Variants in EFCAB6 observed in about 807,000 individuals in gnomAD.
The protein encoded by EFCAB6 is EF-hand calcium-binding domain-containing protein 6.
Under a neutral mutation model 169.8 loss-of-function variants are expected in EFCAB6, and 156 were observed. That is an observed-to-expected ratio of 0.92 (90% CI 0.81 to 1.05). EFCAB6 has a LOEUF of 1.05. Among genes scored for constraint, EFCAB6 ranks in the 50% least tolerant of loss-of-function variants. EFCAB6 has a pLI of 0.00. For missense variants in EFCAB6, 1,800 were observed against 1,829.1 expected, an observed-to-expected ratio of 0.98 and a Z score of 0.29; for synonymous variants, 698 against 676.4, an observed-to-expected ratio of 1.03 and a Z score of -0.50.
At chr22:43,577,180 T>A (rs1043979342) in intron 25 of EFCAB6, among the ~76,000 whole-genome samples, 1 of 152,162 alleles carries the variant, frequency 6.6e-6, no homozygotes, top group African/African-American at 2.4e-5. Context: ...ACTGAAAAAG[T>A]GCAAAAATGT....
intron 23 of EFCAB6, among the ~76,000 whole-genome samples, chr22:43,596,645 G>T (rs1261343570): frequency 6.6e-6 from 1 of 152,058 alleles, no homozygotes; most frequent in Non-Finnish European, 1.5e-5. Context: ...TGGATTGAAA[G>T]AATTAATATT....
chr22:43,604,929 G>T (rs1453655904), intron 22 of EFCAB6, among the ~76,000 whole-genome samples: 1 of 152,178 alleles, frequency 6.6e-6, no homozygotes, highest in East Asian at 1.9e-4. Context: ...TCCTACTCGG[G>T]TCGGCCCTTT....
intron 26 of EFCAB6, among the ~76,000 whole-genome samples, chr22:43,561,111 C>A (rs1192901890): frequency 6.6e-6 from 1 of 152,220 alleles, no homozygotes; most frequent in Non-Finnish European, 1.5e-5. Context: ...GTAATCTCAG[C>A]ACTTTGGGAG....
chr22:43,575,655 TG>T (rs759182805), intron 26 of EFCAB6, among the ~76,000 whole-genome samples: 3 of 152,184 alleles, frequency 2.0e-5, no homozygotes, highest in Non-Finnish European at 4.4e-5. Flanking sequence ...TAGTGTATTT[TG>T]TTTAGAAACA....
At chr22:43,669,284 T>C (rs1446107893) in intron 15 of EFCAB6, among the ~76,000 whole-genome samples, 3 of 152,228 alleles carry the variant, frequency 2.0e-5, no homozygotes, top group South Asian at 2.1e-4. Flanking sequence ...TACAGCTTTA[T>C]TGGTAATAGC....
In EFCAB6 at chr22:43,559,884, G is replaced by A. The variant is rs561948806; in HGVS notation, c.3421-4788C>T. Among the ~76,000 whole-genome samples the A allele has an allele frequency of 3.3e-5, 5 of 152,184 alleles. No homozygotes were observed. The East Asian group carries it at 9.7e-4, about 29-fold the overall frequency. On this transcript the variant is annotated intron_variant, in intron 26 of 31. Coordinates refer to ENST00000262726, the MANE Select transcript of EFCAB6 (RefSeq NM_022785.4). Reference sequence around the variant, plus strand: ...TTGTTGGGTGGGGGGCAAGGGGAGGGAAAGCATTAGGACAAATACCTAATG... The same window carrying A: ...TTGTTGGGTGGGGGGCAAGGGGAGGAAAAGCATTAGGACAAATACCTAATG...
rs756722468 is a variant in EFCAB6 at position 43,537,346 on chromosome 22, A to G, written c.4048+31T>C. On this transcript the variant is annotated intron_variant, in intron 29 of 31. Transcript: ENST00000262726. The surrounding 1 kb of genome is among the most constrained non-coding windows in gnomAD (Gnocchi z 4.3). ...GCCTCTTGCCACAGGGGCTGACCAC[A>G]TATTACCAAGCAGATAGAATCTGAA... The G allele has an allele frequency of 2.4e-5, 38 of 1,610,732 alleles. No homozygotes were observed. The highest frequency in any genetic ancestry group is 3.1e-5 in the Non-Finnish European group (37 of 1,177,740).
In EFCAB6 at chr22:43,538,852, A is replaced by AGTT. The variant is rs1198846746; in HGVS notation, c.3879+1274_3879+1275insAAC. On this transcript the variant is annotated intron_variant, in intron 28 of 31. Transcript: ENST00000262726. ...ATTTCCGTGAATTTAGTGGCTTAAA[A>AGTT]CAACACCAACTTATTATCTTACAGT... Among the ~76,000 whole-genome samples, 86 of 152,328 alleles carry AGTT rather than the reference A, an allele frequency of 5.6e-4. No individual in the cohort carries two copies. The East Asian group carries it at 0.014, about 25-fold the overall frequency.
chr22:43,739,799 C>T (rs576206598), intron 6 of EFCAB6, among the ~76,000 whole-genome samples: 27 of 152,192 alleles, frequency 1.8e-4, no homozygotes, highest in Admixed American at 1.4e-3. Flanking sequence ...CGCTTCTCCC[C>T]GCACTCCGGG....
Position 43,566,101 on chromosome 22 carries a change from G to A in EFCAB6, c.3420+10196C>T, listed in dbSNP as rs533452051. 1.2e-4 allele frequency among the ~76,000 whole-genome samples: 18 copies of A among 152,266 alleles called. No homozygotes were observed. In the East Asian group the frequency reaches 2.7e-3, roughly 23 times the overall value. On this transcript the variant is annotated intron_variant, in intron 26 of 31. Transcript: ENST00000262726. ...GCTGCCTGCTACAGACCTCGCTGCC[G>A]GATCAAGAAACGGACGCTGGCCTCC...
At chr22:43,552,166 G>A (rs918765089) in intron 27 of EFCAB6, 2 of 152,102 alleles carry the variant, frequency 1.3e-5, no homozygotes, top group African/African-American at 2.4e-5. Context: ...GTATTCCACG[G>A]TGTAGATGTA....
At chr22:43,690,024 T>C (rs2058347833) in intron 10 of EFCAB6, among the ~76,000 whole-genome samples, 1 of 152,182 alleles carries the variant, frequency 6.6e-6, no homozygotes, top group Admixed American at 6.5e-5. Flanking sequence ...TGACAGCCCA[T>C]GAGTCTGCCC....
In EFCAB6 at chr22:43,689,820, T is replaced by C. The variant is rs775736393; in HGVS notation, c.1032-2239A>G. The stretch of plus-strand genomic sequence containing the variant: ...CCTAACAGGGAGGAAATGCAATTCA[T>C]GTTTCAATCAAGCTTACATGTTTGA... On this transcript the variant is annotated intron_variant, in intron 10 of 31. Coordinates refer to ENST00000262726, the MANE Select transcript of EFCAB6 (RefSeq NM_022785.4). Among the ~76,000 whole-genome samples, 154 of 152,342 alleles carry C rather than the reference T, an allele frequency of 1.0e-3. 2 individuals are homozygous for C. Among genetic ancestry groups the C allele is most frequent in the Non-Finnish European group, 2.8e-4 (19 of 68,034 alleles).
intron 10 of EFCAB6, among the ~76,000 whole-genome samples, chr22:43,691,192 C>A (rs565382050): frequency 6.6e-6 from 1 of 152,246 alleles, no homozygotes; most frequent in East Asian, 1.9e-4. Flanking sequence ...CTACTATTCA[C>A]ATAAATTCTC....
In EFCAB6 at chr22:43,530,836, TAGC is replaced by T; in HGVS notation, c.4359_4361del (p.Leu1454del). 5.6e-6 allele frequency: 9 copies of T among 1,614,002 alleles called. No individual in the cohort carries two copies. The highest frequency in any genetic ancestry group is 7.6e-6 in the Non-Finnish European group (9 of 1,180,042). On this transcript the variant is annotated inframe_deletion, in exon 31 of 32. Coordinates refer to ENST00000262726, the MANE Select transcript of EFCAB6 (RefSeq NM_022785.4). ...TCACCGTCCTGAAATCTGCGACGCT[TAGC>T]AGCCCTGTTCCAGCCTCATCATAGC...
At chr22:43,582,324 C>T (rs961433846) in intron 24 of EFCAB6, among the ~76,000 whole-genome samples, 2 of 147,656 alleles carry the variant, frequency 1.4e-5, no homozygotes, top group African/African-American at 5.0e-5. Context: ...TGAAATGGTC[C>T]TTCCTTTCTA....
intron 6 of EFCAB6, among the ~76,000 whole-genome samples, chr22:43,750,297 T>C (rs895713346): frequency 2.0e-5 from 3 of 152,210 alleles, no homozygotes; most frequent in Admixed American, 6.5e-5. Flanking sequence ...TATTTTGTGG[T>C]GTGAGATTCT....
At chr22:43,794,804 C>G (rs1004163594) in intron 2 of EFCAB6, among the ~76,000 whole-genome samples, 10 of 152,208 alleles carry the variant, frequency 6.6e-5, no homozygotes, top group African/African-American at 2.4e-4. Context: ...TAGACAGACT[C>G]TACTGGCAAC....
At chr22:43,806,231 A>T (rs1486384961) in intron 2 of EFCAB6, among the ~76,000 whole-genome samples, 2 of 151,540 alleles carry the variant, frequency 1.3e-5, no homozygotes, top group African/African-American at 4.9e-5. Flanking sequence ...GAGAAGAAGC[A>T]ATGCTTCTCC....
Sources: gnomAD v4.1 joint callset for allele counts (sites outside exome capture counted in the v4.1 genomes callset) on GRCh38, gnomAD v4.1.1 for gene constraint, Gnocchi (gnomAD v3.1) non-coding constraint, MANE v1.5 for transcripts, NCBI Gene and HGNC (gene_info 2026-07-23, HGNC 2026-07-21) for gene names.